Variants in SLC25A13 observed in about 807,000 individuals in gnomAD.
The protein encoded by SLC25A13 is solute carrier family 25 member 13.
In SLC25A13, 70 loss-of-function variants were observed where a neutral mutation model predicts 85.5. The observed-to-expected ratio is 0.82, with a 90% CI of 0.68 to 1.00. The LOEUF is 1.00. Ranked by LOEUF, SLC25A13 falls within the 50% of genes least tolerant of loss-of-function variation. The pLI, the probability that SLC25A13 is intolerant of heterozygous loss-of-function variation, is 0.00. For synonymous variants in SLC25A13, 259 were observed against 288.7 expected, an observed-to-expected ratio of 0.90 and a Z score of 1.04; for missense variants, 765 against 819.8, an observed-to-expected ratio of 0.93 and a Z score of 0.82.
At chr7:96,275,382 T>C (rs1798408983) in intron 3 of SLC25A13, among the ~76,000 whole-genome samples, 1 of 152,232 alleles carries the variant, frequency 6.6e-6, no homozygotes, top group Non-Finnish European at 1.5e-5. Flanking sequence ...ATCCCATTAC[T>C]GGGTATATAC....
chr7:96,253,952 A>G (rs1455974551), intron 3 of SLC25A13, among the ~76,000 whole-genome samples: 5 of 152,226 alleles, frequency 3.3e-5, no homozygotes, highest in Non-Finnish European at 7.3e-5. Context: ...AGATTTCTTT[A>G]CATATTTATA....
At chr7:96,131,673 G>A (rs1792034506) in intron 15 of SLC25A13, 70 bp downstream of exon 15, 1 of 1,604,954 alleles carries the variant, frequency 6.2e-7, no homozygotes, top group Admixed American at 1.7e-5. Context: ...TTTCAATGTA[G>A]TAGCATGCAG....
chr7:96,160,571 C>A (rs140089202), intron 13 of SLC25A13, among the ~76,000 whole-genome samples: 1 of 152,216 alleles, frequency 6.6e-6, no homozygotes, highest in Non-Finnish European at 1.5e-5. Flanking sequence ...TGTGTCCTCA[C>A]ATGGAGGAAG....
chr7:96,229,247 C>T (rs1235964412), intron 4 of SLC25A13, among the ~76,000 whole-genome samples: 1 of 152,186 alleles, frequency 6.6e-6, no homozygotes, highest in African/African-American at 2.4e-5. Context: ...CACTCTGTAT[C>T]TAGCTAATCT....
chr7:96,121,710 T>C lies in SLC25A13; in HGVS notation c.1786A>G (p.Thr596Ala). The C allele has an allele frequency of 1.2e-6, 2 of 1,614,154 alleles. No homozygotes were observed. Among genetic ancestry groups the C allele is most frequent in the Non-Finnish European group, 1.7e-6 (2 of 1,180,026 alleles). The change falls in exon 17 of 18, where the codon ACT becomes GCT. Residue 596 changes from threonine to alanine, a missense_variant. By Grantham distance (58) the Thr-to-Ala change is moderately conservative. Transcript: ENST00000265631. ...VFRSSPQFGV[T>A]LLTYELLQRW... ...TGTAGCAATTCGTAAGTCAGCAAAG[T>C]TACACCAAACTGGGGTGAGGATCGA...
chr7:96,128,939 G>GCGCTCTCT (rs1791869242), intron 15 of SLC25A13, among the ~76,000 whole-genome samples: 2 of 81,902 alleles, frequency 2.4e-5, no homozygotes, highest in East Asian at 3.8e-4. Flanking sequence ...TGCCTTGCTT[G>GCGCTCTCT]CTCTCTCTCT....
chr7:96,209,213 C>T lies in SLC25A13; in HGVS notation c.329-236G>A, dbSNP rs887974939. Reference sequence around the variant, plus strand: ...GGGGGGAAAATCAAGAAGTCTCTCACACACACACAACCTAAAGGCTGTAGG... The same window carrying T: ...GGGGGGAAAATCAAGAAGTCTCTCATACACACACAACCTAAAGGCTGTAGG... On this transcript the variant is annotated intron_variant, in intron 4 of 17. Transcript: ENST00000265631. Among the ~76,000 whole-genome samples, 3 of 151,980 alleles carry T rather than the reference C, an allele frequency of 2.0e-5. No homozygotes were observed. The East Asian group carries it at 5.8e-4, about 29-fold the overall frequency.
At chr7:96,209,632 T>C (rs998201875) in intron 4 of SLC25A13, among the ~76,000 whole-genome samples, 1 of 152,100 alleles carries the variant, frequency 6.6e-6, no homozygotes. Flanking sequence ...CTCAAATTGT[T>C]CAAATAATCC....
In SLC25A13 at chr7:96,241,237, T is replaced by A. The variant is rs925458722; in HGVS notation, c.213-6320A>T. Among the ~76,000 whole-genome samples, 4 of 151,942 alleles carry A rather than the reference T, an allele frequency of 2.6e-5. No homozygotes were observed. In the South Asian group the frequency reaches 8.3e-4, roughly 32 times the overall value. ...TTAGCCCTGCCCCACAAGAAGCAGT[T>A]AGAAAAAAACAAAAACAAAAAAACA... On this transcript the variant is annotated intron_variant, in intron 3 of 17. Coordinates refer to ENST00000265631, the MANE Select transcript of SLC25A13 (RefSeq NM_014251.3).
chr7:96,282,443 T>C (rs1455812803), intron 2 of SLC25A13, among the ~76,000 whole-genome samples: 1 of 152,166 alleles, frequency 6.6e-6, no homozygotes. Context: ...CCTACATTGT[T>C]TTCCAACCAC....
chr7:96,175,676 C>A (rs568476876), intron 11 of SLC25A13, among the ~76,000 whole-genome samples: 1 of 152,272 alleles, frequency 6.6e-6, no homozygotes, highest in South Asian at 2.1e-4. Context: ...GAGCATGCAC[C>A]AAATTCTGTA....
In SLC25A13 at chr7:96,191,239, T is replaced by A. The variant is rs1395804763; in HGVS notation, c.624A>T (p.Gly208=). 6.2e-7 allele frequency: 1 copy of A among 1,613,862 alleles called. No individual in the cohort carries two copies. Among genetic ancestry groups the A allele is most frequent in the East Asian group, 2.2e-5 (1 of 44,858 alleles). ...FVEECLVAAA[G]GTTSHQVSFS... ...AACTAACTTGATGGGATGTGGTACC[T>A]CCAGCAGCCTCAAATAAATTGAAAA... Residue 208 remains glycine (G), a synonymous_variant, in exon 7 of 18, where the codon GGA becomes GGT. Coordinates refer to ENST00000265631, the MANE Select transcript of SLC25A13 (RefSeq NM_014251.3).
chr7:96,149,177 T>C (rs536768322), intron 13 of SLC25A13, among the ~76,000 whole-genome samples: 20 of 152,354 alleles, frequency 1.3e-4, no homozygotes, highest in Non-Finnish European at 2.6e-4. Context: ...CTAGAATCTC[T>C]GTCAATTCTG....
At chr7:96,209,394 C>T (rs1562844888) in intron 4 of SLC25A13, among the ~76,000 whole-genome samples, 1 of 90,910 alleles carries the variant, frequency 1.1e-5, no homozygotes, top group Non-Finnish European at 2.3e-5. Flanking sequence ...ACGATACAAG[C>T]GTTACATATA....
chr7:96,166,282 C>G (rs887759563), intron 13 of SLC25A13, among the ~76,000 whole-genome samples: 5 of 152,130 alleles, frequency 3.3e-5, no homozygotes, highest in African/African-American at 9.7e-5. Context: ...TATCAAAGGA[C>G]CATAGTTTAA....
chr7:96,162,910 CT>C (rs956690139), intron 13 of SLC25A13, among the ~76,000 whole-genome samples: 8 of 152,116 alleles, frequency 5.3e-5, no homozygotes, highest in African/African-American at 1.9e-4. Context: ...TTAACTCCAA[CT>C]TTGGTGAGTT....
At chr7:96,142,576 C>T (rs1023673694) in intron 14 of SLC25A13, among the ~76,000 whole-genome samples, 11 of 151,978 alleles carry the variant, frequency 7.2e-5, no homozygotes, top group Non-Finnish European at 1.5e-4. Context: ...TGCTGATATT[C>T]GTAAAATTTT....
intron 2 of SLC25A13, among the ~76,000 whole-genome samples, chr7:96,292,703 C>T (rs550509508): frequency 2.8e-4 from 43 of 152,234 alleles, no homozygotes; most frequent in African/African-American, 1.0e-3. Flanking sequence ...AATAAAATAC[C>T]TAGGAATCTA....
intron 3 of SLC25A13, among the ~76,000 whole-genome samples, chr7:96,270,267 T>C (rs1312014722): frequency 2.0e-5 from 3 of 152,094 alleles, no homozygotes; most frequent in Admixed American, 6.6e-5. Flanking sequence ...AAAATATAAA[T>C]AGCTGGGGCT....
Sources: allele counts gnomAD v4.1 joint callset (sites outside exome capture counted in the v4.1 genomes callset), GRCh38; gene constraint gnomAD v4.1.1; transcripts MANE v1.5; gene names NCBI Gene and HGNC (gene_info 2026-07-23, HGNC 2026-07-21).